The following LOC101059915 variants were observed in gnomAD, a reference collection of about 807,000 sequenced individuals.
At chrX:71,670,032 G>C in the LOC101059915 span, among the ~76,000 whole-genome samples, 1 of 112,480 alleles carries the variant, frequency 8.9e-6, no homozygotes, top group Admixed American at 9.3e-5. Flanking sequence ...TGTGGCTGCC[G>C]CACTGCTGGA....
chrX:71,668,602 C>T, the LOC101059915 span: 1 of 1,090,899 alleles, frequency 9.2e-7, no homozygotes, highest in Non-Finnish European at 1.2e-6. Flanking sequence ...GATCTCTCCT[C>T]CCCGCAGACT....
chrX:71,668,542 C>T, the LOC101059915 span: 32 of 1,132,885 alleles, frequency 2.8e-5, no homozygotes, highest in Admixed American at 7.5e-4. Flanking sequence ...TTGCGGACGC[C>T]GCAGTTTCCA....
chrX:71,670,629 G>A, the LOC101059915 span: 20 of 1,103,274 alleles, frequency 1.8e-5, no homozygotes, highest in Middle Eastern at 3.6e-4. Flanking sequence ...TGCTGCAGAG[G>A]GAAATTGAAG....
chrX:71,669,114 C>T, the LOC101059915 span: 3 of 1,071,051 alleles, frequency 2.8e-6, no homozygotes, highest in Non-Finnish European at 3.7e-6. Flanking sequence ...TGTCTCCCCC[C>T]ACCCACCTCT....
chrX:71,671,151 G>T, the LOC101059915 span: 2 of 1,161,953 alleles, frequency 1.7e-6, no homozygotes, highest in Admixed American at 5.2e-5. Context: ...CGGGGGCAGG[G>T]CGTGGGTTTC....
chrX:71,668,585 C>T, the LOC101059915 span: 1 of 1,094,829 alleles, frequency 9.1e-7, no homozygotes, highest in Non-Finnish European at 1.2e-6. Flanking sequence ...GTTCAGGGAC[C>T]TCTCCTGATC....
the LOC101059915 span, chrX:71,669,020 A>G: frequency 4.3e-6 from 5 of 1,162,678 alleles, no homozygotes; most frequent in Non-Finnish European, 5.7e-6. Context: ...CCAAATAGAG[A>G]TGAGGTCCCA....
the LOC101059915 span, chrX:71,671,091 C>T: frequency 1.6e-5 from 18 of 1,138,510 alleles, no homozygotes; most frequent in African/African-American, 2.8e-4. Context: ...GTGGATGAGT[C>T]AGTCCCAGGG....
the LOC101059915 span, chrX:71,670,683 G>C: frequency 4.5e-6 from 5 of 1,114,219 alleles, no homozygotes; most frequent in South Asian, 1.2e-4. Flanking sequence ...GGCTGGGGCA[G>C]GGATGGACAG....
chrX:71,669,438 T>G, the LOC101059915 span: 1 of 601,588 alleles, frequency 1.7e-6, no homozygotes, highest in Non-Finnish European at 2.3e-6. Context: ...TGTCTTGGGG[T>G]GGACTGAGGG....
the LOC101059915 span, chrX:71,668,457 G>A: frequency 8.6e-7 from 1 of 1,158,273 alleles, no homozygotes. Context: ...GCGACTTACC[G>A]GTGATTAGGG....
the LOC101059915 span, chrX:71,668,837 G>T: frequency 5.3e-5 from 57 of 1,085,666 alleles, no homozygotes; most frequent in Non-Finnish European, 6.2e-5. Context: ...CCTGCCTGGG[G>T]GCAGAGACTT....
At chrX:71,669,613 A>G in the LOC101059915 span, 3 of 969,430 alleles carry the variant, frequency 3.1e-6, no homozygotes. Context: ...TGGAGAATAC[A>G]GCAGTGGTGA....
At chrX:71,669,514 C>A in the LOC101059915 span, 3 of 950,672 alleles carry the variant, frequency 3.2e-6, no homozygotes, top group Non-Finnish European at 2.6e-6. Context: ...TGTGTACTCA[C>A]CGCCCGTCCC....
At chrX:71,667,718 G>A in the LOC101059915 span, 10 of 926,964 alleles carry the variant, frequency 1.1e-5, no homozygotes, top group Non-Finnish European at 1.3e-5. Flanking sequence ...CCCCTCGGCT[G>A]GGCTTGGCTG....
chrX:71,669,825 C>A, the LOC101059915 span: 1 of 751,420 alleles, frequency 1.3e-6, no homozygotes, highest in South Asian at 5.8e-5. Flanking sequence ...CCTGCCCACC[C>A]AGGCAGCTGT....
the LOC101059915 span, chrX:71,669,031 A>G: frequency 8.6e-7 from 1 of 1,160,535 alleles, no homozygotes; most frequent in Non-Finnish European, 1.1e-6. Context: ...TGAGGTCCCA[A>G]GGGCCCAAGT....
chrX:71,667,771 C>A, the LOC101059915 span: 2 of 1,029,957 alleles, frequency 1.9e-6, no homozygotes, highest in Admixed American at 4.7e-5. Flanking sequence ...CGACTGTCTC[C>A]CCACAGCCTG....
At chrX:71,667,713 C>A in the LOC101059915 span, 1 of 917,483 alleles carries the variant, frequency 1.1e-6, no homozygotes, top group East Asian at 4.2e-5. Context: ...GTGGCCCCCT[C>A]GGCTGGGCTT....
Sources: allele counts gnomAD v4.1 joint callset (sites outside exome capture counted in the v4.1 genomes callset), GRCh38; gene constraint gnomAD v4.1.1; transcripts MANE v1.5.